The following MMUT variants were observed in gnomAD, a reference collection of about 807,000 sequenced individuals.
The protein encoded by MMUT is methylmalonyl-CoA mutase, also known as methylmalonyl-CoA mutase, mitochondrial.
Under a neutral mutation model 79.9 loss-of-function variants are expected in MMUT, and 79 were observed. The ratio of observed to expected loss-of-function variants is 0.99; its 90% CI spans 0.82 to 1.19. The LOEUF (loss-of-function observed/expected upper bound fraction) is 1.19. Among genes scored for constraint, MMUT ranks in the 50% most tolerant of loss-of-function variants. MMUT has a pLI of 0.00. For missense variants in MMUT, 860 were observed against 917.2 expected, an observed-to-expected ratio of 0.94 and a Z score of 0.81; for synonymous variants, 273 against 295.7, an observed-to-expected ratio of 0.92 and a Z score of 0.79.
At chr6:49,461,121 T>C (rs1767829118) in intron 1 of MMUT, among the ~76,000 whole-genome samples, 1 of 152,172 alleles carries the variant, frequency 6.6e-6, no homozygotes, top group South Asian at 2.1e-4. Flanking sequence ...CAAAATATGT[T>C]TAGAAAGCTG....
In MMUT at chr6:49,444,833, A is replaced by C. The variant is rs1004578092; in HGVS notation, c.1561-79T>G. On this transcript the variant is annotated intron_variant, in intron 8 of 12. Transcript: ENST00000274813. ...AGATCAAGAGATTAGACCCTGATGC[A>C]TAGCATATGGCATTTTTTTCCATAA... The C allele has an allele frequency of 1.2e-5, 13 of 1,086,346 alleles. No individual in the cohort carries two copies. In the African/African-American group the frequency reaches 1.6e-4, roughly 13 times the overall value. 67.3% of individuals were successfully genotyped at this position (1,086,346 alleles called of 1,614,324 possible). A position where few individuals can be genotyped will look rare whatever the true frequency, so the allele number is the denominator to read the frequency against.
At chr6:49,448,535 C>T (rs1767466789) in intron 7 of MMUT, among the ~76,000 whole-genome samples, 2 of 152,012 alleles carry the variant, frequency 1.3e-5, no homozygotes, top group African/African-American at 4.8e-5. Context: ...ACACTGTGAT[C>T]ATCAACAGTG....
At chr6:49,462,298 A>G (rs1329696351) in intron 1 of MMUT, among the ~76,000 whole-genome samples, 8 of 152,210 alleles carry the variant, frequency 5.3e-5, no homozygotes, top group Non-Finnish European at 1.2e-4. Context: ...TGAGAAAAAG[A>G]TTTCTTGAAC....
chr6:49,446,639 C>T (rs952437058), intron 8 of MMUT, among the ~76,000 whole-genome samples: 9 of 151,648 alleles, frequency 5.9e-5, no homozygotes, highest in Admixed American at 5.3e-4. Context: ...AACAACAATT[C>T]AAGAAAAGGA....
At chr6:49,449,404 C>A (rs1767493017) in intron 6 of MMUT, among the ~76,000 whole-genome samples, 1 of 152,086 alleles carries the variant, frequency 6.6e-6, no homozygotes, top group African/African-American at 2.4e-5. Flanking sequence ...TATGACTTAG[C>A]AGAAAGGATC....
chr6:49,451,420 A>C (rs1448093788), intron 6 of MMUT, 46 bp downstream of exon 6: 1 of 1,597,074 alleles, frequency 6.3e-7, no homozygotes, highest in Non-Finnish European at 8.6e-7. Flanking sequence ...AAATCTTTAC[A>C]AATCTGTAAA....
intron 6 of MMUT, 116 bp from the exon 7 acceptor site, chr6:49,449,043 G>A (rs2127417240): frequency 1.8e-6 from 1 of 550,166 alleles, no homozygotes. Context: ...TAAACTAAAT[G>A]TTAATGTTTC....
chr6:49,443,828 A>G (rs937173685), intron 9 of MMUT: 1 of 433,204 alleles, frequency 2.3e-6, no homozygotes. Context: ...CAGATATAAC[A>G]TGAGATTAGA....
In MMUT at chr6:49,457,789, T is replaced by A. The variant is rs121918256; in HGVS notation, c.655A>T (p.Asn219Tyr). ...PKEKLTGTIQ[N>Y]DILKEFMVRN... ...ACCATAAATTCCTTTAGTATATCAT[T>A]TTGGATGGTACCAGTAAGCTTCTCT... The change falls in exon 3 of 13, where the codon AAT becomes TAT. Residue 219 changes from asparagine to tyrosine, a missense_variant. Transcript: ENST00000274813. 4.3e-5 allele frequency: 69 copies of A among 1,613,364 alleles called. No individual in the cohort carries two copies. The highest frequency in any genetic ancestry group is 5.5e-5 in the Non-Finnish European group (65 of 1,179,494).
In MMUT at chr6:49,448,892, G is replaced by A. The variant is rs771932597; in HGVS notation, c.1368C>T (p.Ala456=). ...TAGGTATTCCCTCAGCTACAGCTTT[G>A]GCCATTCCACCCATTTCTTCAATTT... ...INEIEEMGGM[A]KAVAEGIPKL... is the part of the protein sequence containing the mutation. Residue 456 remains alanine (A), a synonymous_variant, in exon 7 of 13, where the codon GCC becomes GCT. Transcript: ENST00000274813. 1.9e-6 allele frequency: 3 copies of A among 1,613,114 alleles called. No individual in the cohort carries two copies. Among genetic ancestry groups the A allele is most frequent in the South Asian group, 2.2e-5 (2 of 91,032 alleles).
chr6:49,459,205 C>T lies in MMUT; in HGVS notation c.262G>A (p.Val88Met), dbSNP rs776085460. 13 of 1,614,090 alleles carry T rather than the reference C, an allele frequency of 8.1e-6. No homozygotes were observed. The Admixed American group carries it at 1.0e-4, about 12-fold the overall frequency. The change falls in exon 2 of 13, where the codon GTG becomes ATG. Residue 88 changes from valine to methionine, a missense_variant. Val to Met is a conservative substitution (Grantham distance 21). Transcript: ENST00000274813. ...TATGGTCCACGTGTGAATGGCTTCA[C>T]TCCTGGAAGTTCTTCAGGTAAGTCC... Reference protein sequence around the residue: ...TMDLPEELPGVKPFTRGPYPT... With the variant: ...TMDLPEELPGMKPFTRGPYPT...
chr6:49,449,637 G>A (rs1448833267), intron 6 of MMUT, among the ~76,000 whole-genome samples: 1 of 152,094 alleles, frequency 6.6e-6, no homozygotes, highest in Non-Finnish European at 1.5e-5. Flanking sequence ...AGGGTAAGAT[G>A]TCTTACTGAA....
chr6:49,443,177 G>T (rs984279519), intron 9 of MMUT, among the ~76,000 whole-genome samples: 1 of 152,022 alleles, frequency 6.6e-6, no homozygotes, highest in African/African-American at 2.4e-5. Context: ...CTTTATTCTG[G>T]ACTATCTTTT....
chr6:49,435,637 A>C lies in MMUT; in HGVS notation c.1957-14T>G. ...TTCACGAGGAGTCTAAACAGTCAGA[A>C]AGTAAAGATAAATCATTGTTTATTA... On this transcript the variant is annotated splice_polypyrimidine_tract_variant and intron_variant, in intron 11 of 12. Coordinates refer to ENST00000274813, the MANE Select transcript of MMUT (RefSeq NM_000255.4). 1 of 1,610,412 alleles carries C rather than the reference A, an allele frequency of 6.2e-7. No homozygotes were observed. Among genetic ancestry groups the C allele is most frequent in the Non-Finnish European group, 8.5e-7 (1 of 1,178,018 alleles).
intron 4 of MMUT, among the ~76,000 whole-genome samples, chr6:49,454,560 G>A (rs1466988449): frequency 1.3e-5 from 2 of 152,118 alleles, no homozygotes; most frequent in African/African-American, 2.4e-5. Context: ...TGTCCGCCTC[G>A]GTCACCCGAA....
chr6:49,455,104 T>C (rs1004116121), intron 4 of MMUT, among the ~76,000 whole-genome samples: 1 of 151,900 alleles, frequency 6.6e-6, no homozygotes, highest in Non-Finnish European at 1.5e-5. Flanking sequence ...GTAACATTTC[T>C]TATGAAAAAT....
chr6:49,459,546 G>C, intron 1 of MMUT, 41 bp from the exon 2 acceptor site: 1 of 1,480,352 alleles, frequency 6.8e-7, no homozygotes, highest in Non-Finnish European at 9.2e-7. Flanking sequence ...TAGAAGAGGG[G>C]GTGGGAAATA....
At chr6:49,461,282 A>G (rs1767833604) in intron 1 of MMUT, among the ~76,000 whole-genome samples, 2 of 152,180 alleles carry the variant, frequency 1.3e-5, no homozygotes, top group African/African-American at 2.4e-5. Context: ...AATTCATCAA[A>G]TTATACAGTT....
At chr6:49,443,715 G>C (rs921704002) in intron 9 of MMUT, 2 of 375,142 alleles carry the variant, frequency 5.3e-6, no homozygotes, top group Non-Finnish European at 1.1e-5. Context: ...TCTGTTCCAG[G>C]AACTATTTTT....
Sources: gnomAD v4.1 joint callset for allele counts (sites outside exome capture counted in the v4.1 genomes callset) on GRCh38, gnomAD v4.1.1 for gene constraint, MANE v1.5 for transcripts, NCBI Gene and HGNC (gene_info 2026-07-23, HGNC 2026-07-21) for gene names.